The following ATXN2L variants were observed in gnomAD, a reference collection of about 807,000 sequenced individuals.
The protein encoded by ATXN2L is ataxin-2-like protein.
A neutral mutation model predicts 120.7 loss-of-function variants in ATXN2L; 24 were observed. The ratio of observed to expected loss-of-function variants is 0.20; its 90% confidence interval spans 0.14 to 0.28. The LOEUF (loss-of-function observed/expected upper bound fraction) is 0.28. Among genes scored for constraint, ATXN2L ranks in the 10% least tolerant of loss-of-function variants. ATXN2L has a pLI of 1.00. For synonymous variants in ATXN2L, 653 were observed against 568.1 expected (o/e 1.15, Z -2.13); for missense variants, 1,312 against 1,432.3 (o/e 0.92, Z 1.36).
chr16:28,823,716 G>A, intron 1 of ATXN2L, 158 bp downstream of exon 1: 5 of 744,648 alleles, frequency 6.7e-6, no homozygotes, highest in Non-Finnish European at 7.4e-6. Context: ...CGAACAGGTC[G>A]GACGGAAAGG....
chr16:28,829,874 G>A lies in ATXN2L; in HGVS notation c.850G>A (p.Asp284Asn). 6.2e-7 allele frequency: 1 copy of A among 1,614,218 alleles called. No homozygotes were observed. The highest frequency in any genetic ancestry group is 8.5e-7 in the Non-Finnish European group (1 of 1,180,038). The change falls in exon 8 of 22, where the codon GAC becomes AAC. Residue 284 changes from aspartate to asparagine, a missense_variant. Transcript: ENST00000336783. ...LSSYTVPLEK[D>N]NSEEFRQREL... ...CTGTCTCAGGGTGCCCTTAGAAAAG[G>A]ACAACTCAGAAGAGTTTCGTCAGCG...
Position 28,831,177 on chromosome 16 carries a change from G to A in ATXN2L, c.1321+105G>A. The stretch of plus-strand genomic sequence containing the variant: ...TGGAATGGGAGATAATTTTAAGATA[G>A]ATGTTTTGGGCATTTGGGATTTAGT... On this transcript the variant is annotated intron_variant, in intron 10 of 21. Transcript: ENST00000336783. The A allele has an allele frequency of 1.7e-5, 14 of 840,258 alleles. No individual in the cohort carries two copies. The South Asian group carries it at 2.3e-4, about 14-fold the overall frequency. The allele number at this position is 840,258 out of a possible 1,614,324, so 52.1% of individuals were successfully genotyped here. A position where few individuals can be genotyped will look rare whatever the true frequency, so the allele number is the denominator to read the frequency against.
chr16:28,825,882 T>G (rs62036622), intron 4 of ATXN2L, 41 bp downstream of exon 4: 563,900 of 1,551,120 alleles, frequency 0.36, 110,287 homozygotes, highest in Admixed American at 0.46. Context: ...AGTTGCAGAG[T>G]AGGAGGAGAA....
chr16:28,823,210 C>T lies in ATXN2L; in HGVS notation c.-50C>T. 1 of 1,125,436 alleles carries T rather than the reference C, an allele frequency of 8.9e-7. No individual in the cohort carries two copies. The highest frequency in any genetic ancestry group is 1.2e-6 in the Non-Finnish European group (1 of 861,464). The allele number at this position is 1,125,436 out of a possible 1,614,324, so 69.7% of individuals were successfully genotyped here. On this transcript the variant is annotated 5_prime_UTR_variant, in exon 1 of 22. Transcript: ENST00000336783. ...CTCTCCAGCGGGGCCCCAGCCCCGGCCCCCTCTCTCCCTCCCTTCTCTCTA... is the reference window on the plus strand; with the variant it reads ...CTCTCCAGCGGGGCCCCAGCCCCGGTCCCCTCTCTCCCTCCCTTCTCTCTA...
At chr16:28,824,687 C>A in intron 1 of ATXN2L, 3 of 825,540 alleles carry the variant, frequency 3.6e-6, no homozygotes, top group Non-Finnish European at 4.8e-6. Context: ...TAGGTAGTTC[C>A]AAAGCTGCAC....
rs1172315397 is a variant in ATXN2L, at chr16:28,836,873, TC to T, written c.*614del. 4 of 1,267,360 alleles carry T rather than the reference TC, an allele frequency of 3.2e-6. No homozygotes were observed. Among genetic ancestry groups the T allele is most frequent in the Non-Finnish European group, 3.4e-6 (3 of 892,606 alleles). The allele number at this position is 1,267,360 out of a possible 1,614,324, so 78.5% of individuals were successfully genotyped here. A position where few individuals can be genotyped will look rare whatever the true frequency, so the allele number is the denominator to read the frequency against. ...AGCTCGGACCACTCCCAGCCCCCCA[TC>T]CCCCCGTTCCCCAGGGGAGCTGGGG... On this transcript the variant is annotated 3_prime_UTR_variant, in exon 22 of 22. Transcript: ENST00000336783.
intron 5 of ATXN2L, 200 bp downstream of exon 5, chr16:28,826,590 A>C: frequency 1.7e-6 from 1 of 602,890 alleles, no homozygotes; most frequent in Non-Finnish European, 2.8e-6. Flanking sequence ...CTAATATATA[A>C]TGCGATGAAT....
chr16:28,824,082 G>A (rs2050717779), intron 1 of ATXN2L: 7 of 1,005,688 alleles, frequency 7.0e-6, no homozygotes, highest in Non-Finnish European at 8.3e-6. Flanking sequence ...GGTGGGCGGG[G>A]GGACGGAAGG....
chr16:28,825,226 A>G lies in ATXN2L; in HGVS notation c.300-140A>G, dbSNP rs1022201269. ...AGGGAGACCCTGTCTCAAAAAAAAT[A>G]GAAAAATCTTACTGATTAACAATTT... On this transcript the variant is annotated intron_variant, in intron 1 of 21. Transcript: ENST00000336783. 3.5e-6 allele frequency: 3 copies of G among 849,284 alleles called. No homozygotes were observed. The African/African-American group carries it at 5.1e-5, about 14-fold the overall frequency. The allele number at this position is 849,284 out of a possible 1,614,324, so 52.6% of individuals were successfully genotyped here.
chr16:28,828,124 C>T (rs117474031), intron 6 of ATXN2L, among the ~76,000 whole-genome samples: 97 of 152,204 alleles, frequency 6.4e-4, no homozygotes, highest in South Asian at 1.2e-3. Flanking sequence ...CATTTGGTTG[C>T]CATTATTTTG....
chr16:28,828,684 C>T (rs1376998740), intron 6 of ATXN2L, among the ~76,000 whole-genome samples: 1 of 151,044 alleles, frequency 6.6e-6, no homozygotes, highest in African/African-American at 2.4e-5. Flanking sequence ...CTTGTTTTGT[C>T]GTTTATTTTT....
At position 28,825,620 on chromosome 16, in the gene ATXN2L, A is replaced by G. The variant is rs766077584; in HGVS notation, c.337-4A>G. On this transcript the variant is annotated splice_polypyrimidine_tract_variant and splice_region_variant and intron_variant, in intron 2 of 21. Coordinates refer to ENST00000336783, the MANE Select transcript of ATXN2L (RefSeq NM_007245.4). The stretch of plus-strand genomic sequence containing the variant: ...TTAATTCTCCCTCTTATGTTAACTG[A>G]CAGGTGTTTGAAGGCGTCTACAACA... 1.9e-6 allele frequency: 3 copies of G among 1,613,578 alleles called. No individual in the cohort carries two copies. Among genetic ancestry groups the G allele is most frequent in the African/African-American group, 2.7e-5 (2 of 74,922 alleles).
rs571996653 is a variant in ATXN2L at position 28,825,603 on chromosome 16, C to T, written c.337-21C>T. The T allele has an allele frequency of 1.2e-5, 20 of 1,611,000 alleles. No homozygotes were observed. The African/African-American group carries it at 1.5e-4, about 12-fold the overall frequency. On this transcript the variant is annotated intron_variant, in intron 2 of 21. Transcript: ENST00000336783. Reference sequence around the variant, plus strand: ...GTTGACTGATTACTCCTTTAATTCTCCCTCTTATGTTAACTGACAGGTGTT... The same window carrying T: ...GTTGACTGATTACTCCTTTAATTCTTCCTCTTATGTTAACTGACAGGTGTT...
chr16:28,835,809 C>T, intron 21 of ATXN2L, 51 bp downstream of exon 21: 1 of 1,608,140 alleles, frequency 6.2e-7, no homozygotes, highest in South Asian at 1.1e-5. Context: ...GGCCCGTCTG[C>T]CATGGGGACC....
Position 28,835,569 on chromosome 16 carries a change from A to G in ATXN2L, c.2706A>G (p.Pro902=). The G allele has an allele frequency of 1.2e-6, 2 of 1,613,664 alleles. No homozygotes were observed. Among genetic ancestry groups the G allele is most frequent in the Non-Finnish European group, 1.7e-6 (2 of 1,179,922 alleles). The change falls in exon 21 of 22, where the codon CCA becomes CCG. Residue 902 remains proline (P), a synonymous_variant. Coordinates refer to ENST00000336783, the MANE Select transcript of ATXN2L (RefSeq NM_007245.4). Reference sequence around the variant, plus strand: ...AGCAGCATCAGGCGGGGCAGGCCCCACACTTGGGCAGTGGACAGCCACAGC... The same window carrying G: ...AGCAGCATCAGGCGGGGCAGGCCCCGCACTTGGGCAGTGGACAGCCACAGC... The part of the protein sequence containing the change: ...SPVQHQAGQA[P]HLGSGQPQQN...
Position 28,830,060 on chromosome 16 carries a change from T to C in ATXN2L, c.1034+2T>C. The C allele has an allele frequency of 6.2e-7, 1 of 1,608,632 alleles. No homozygotes were observed. On this transcript the variant is annotated splice_donor_variant, in intron 8 of 21. Coordinates refer to ENST00000336783, the MANE Select transcript of ATXN2L (RefSeq NM_007245.4). LOFTEE classifies it high-confidence loss of function. ...GGAGAGCCCCAGCTTGGCATCCAGG[T>C]GACTGTTGCAAACAGCCAGGACTAC...
intron 5 of ATXN2L, 49 bp downstream of exon 5, chr16:28,826,439 C>CAG (rs1352312296): frequency 1.3e-6 from 2 of 1,581,930 alleles, no homozygotes. Flanking sequence ...GCATAGAGGA[C>CAG]AGAGGGTAGT....
In ATXN2L at chr16:28,831,057, C is replaced by G. The variant is rs778821255; in HGVS notation, c.1306C>G (p.Pro436Ala). Residue 436 changes from proline (P) to alanine (A), a missense_variant, in exon 10 of 22, where the codon CCA becomes GCA. Coordinates refer to ENST00000336783, the MANE Select transcript of ATXN2L (RefSeq NM_007245.4). ...TAGGCCTTCTGGAGAAACTTCTGTT[C>G]CACCTCCTCCTGCAGGTAAAGCTTT... ...SNRPSGETSV[P>A]PPPAVGRMYP... 3 of 1,607,010 alleles carry G rather than the reference C, an allele frequency of 1.9e-6. No individual in the cohort carries two copies. In the Admixed American group the frequency reaches 5.1e-5, roughly 27 times the overall value.
Position 28,823,562 on chromosome 16 carries a change from A to G in ATXN2L, c.299+4A>G. On this transcript the variant is annotated splice_donor_region_variant and intron_variant, in intron 1 of 21. Coordinates refer to ENST00000336783, the MANE Select transcript of ATXN2L (RefSeq NM_007245.4). ...CAGCCGCCATCGGCAGCGCCAGGTG[A>G]GAAGGGTGGGCTCCGGGCGAGGGAG... is the stretch of plus-strand genomic sequence containing the variant. 1 of 1,343,346 alleles carries G rather than the reference A, an allele frequency of 7.4e-7. No homozygotes were observed. Among genetic ancestry groups the G allele is most frequent in the Non-Finnish European group, 9.5e-7 (1 of 1,051,154 alleles). The allele number at this position is 1,343,346 out of a possible 1,614,324, so 83.2% of individuals were successfully genotyped here.
Sources: gnomAD v4.1 joint callset for allele counts (sites outside exome capture counted in the v4.1 genomes callset) on GRCh38, gnomAD v4.1.1 for gene constraint, MANE v1.5 for transcripts, NCBI Gene and HGNC (gene_info 2026-07-23, HGNC 2026-07-21) for gene names.